Variants in LAMA2 observed in about 807,000 individuals in gnomAD.
LAMA2 encodes the protein laminin subunit alpha-2.
A neutral mutation model predicts 364.8 loss-of-function variants in LAMA2; 269 were observed. The ratio of observed to expected loss-of-function variants is 0.74; its 90% CI spans 0.67 to 0.82. The LOEUF is 0.82. Ranked by LOEUF, LAMA2 falls within the 40% of genes least tolerant of loss-of-function variation. The pLI is 0.00. For missense variants in LAMA2, 3,807 were observed against 3,873.2 expected (o/e 0.98, Z 0.45); for synonymous variants, 1,379 against 1,370.6 (o/e 1.01, Z -0.14).
chr6:129,308,696 A>G (rs776705273), intron 22 of LAMA2, among the ~76,000 whole-genome samples: 17 of 152,200 alleles, frequency 1.1e-4, no homozygotes, highest in Non-Finnish European at 2.2e-4. Flanking sequence ...CTATAAAGAA[A>G]TACCTGAGAC....
chr6:129,489,735 G>GA (rs1394376190), intron 56 of LAMA2, among the ~76,000 whole-genome samples: 1 of 151,810 alleles, frequency 6.6e-6, no homozygotes, highest in Admixed American at 6.6e-5. Flanking sequence ...TGTTCAAACA[G>GA]AAAAAAGATT....
chr6:129,147,399 TA>T (rs970472157), intron 6 of LAMA2, among the ~76,000 whole-genome samples: 1 of 151,372 alleles, frequency 6.6e-6, no homozygotes, highest in African/African-American at 2.4e-5. Flanking sequence ...TTAAAGTTTC[TA>T]ATCAAAAAAT....
chr6:128,929,910 A>C, intron 1 of LAMA2: 1 of 848,422 alleles, frequency 1.2e-6, no homozygotes, highest in South Asian at 1.5e-5. Context: ...ATGTGCAGGT[A>C]CGCAGCAAGC....
At chr6:129,013,709 C>T (rs1452895446) in intron 1 of LAMA2, among the ~76,000 whole-genome samples, 2 of 151,976 alleles carry the variant, frequency 1.3e-5, no homozygotes, top group African/African-American at 4.8e-5. Context: ...GCTTTCTTCT[C>T]ACATATTTTA....
intron 29 of LAMA2, among the ~76,000 whole-genome samples, chr6:129,333,488 A>G (rs1433302828): frequency 6.6e-6 from 1 of 152,166 alleles, no homozygotes; most frequent in Non-Finnish European, 1.5e-5. Context: ...TTAATTGTGG[A>G]GAGTGGAGTG....
At chr6:129,016,350 A>G (rs976238385) in intron 1 of LAMA2, among the ~76,000 whole-genome samples, 1 of 152,052 alleles carries the variant, frequency 6.6e-6, no homozygotes, top group Non-Finnish European at 1.5e-5. Context: ...CTCAAGAGAA[A>G]TAGGTGCACA....
At chr6:128,907,664 A>G (rs1777580274) in intron 1 of LAMA2, among the ~76,000 whole-genome samples, 1 of 152,230 alleles carries the variant, frequency 6.6e-6, no homozygotes, top group East Asian at 1.9e-4. Flanking sequence ...AGAACTTCCA[A>G]CACTATATTG....
intron 16 of LAMA2, among the ~76,000 whole-genome samples, chr6:129,269,348 A>G (rs1787756369): frequency 7.0e-6 from 1 of 143,224 alleles, no homozygotes; most frequent in Non-Finnish European, 1.5e-5. Context: ...CCAATCCATC[A>G]GAGTGAAGCT....
At chr6:129,232,432 TC>T (rs1469868340) in intron 12 of LAMA2, among the ~76,000 whole-genome samples, 1 of 152,116 alleles carries the variant, frequency 6.6e-6, no homozygotes, top group Non-Finnish European at 1.5e-5. Context: ...ATCTTCTAAC[TC>T]CTATTAATTT....
chr6:129,321,591 G>T (rs1774971458), intron 28 of LAMA2, among the ~76,000 whole-genome samples: 1 of 152,150 alleles, frequency 6.6e-6, no homozygotes, highest in Admixed American at 6.5e-5. Context: ...CTCACCTACA[G>T]CCTGAGTCTT....
At chr6:129,101,830 T>A (rs1390224673) in intron 4 of LAMA2, among the ~76,000 whole-genome samples, 1 of 152,200 alleles carries the variant, frequency 6.6e-6, no homozygotes, top group Non-Finnish European at 1.5e-5. Context: ...AGAAAACTGT[T>A]CAGTCATTAC....
chr6:129,470,024 G>A (rs939173453), intron 51 of LAMA2, among the ~76,000 whole-genome samples: 2 of 151,798 alleles, frequency 1.3e-5, no homozygotes, highest in Non-Finnish European at 2.9e-5. Context: ...ATTGAGTGTG[G>A]TGGTGGTTCT....
chr6:129,083,801 A>G (rs553652872), intron 3 of LAMA2, among the ~76,000 whole-genome samples: 17 of 152,228 alleles, frequency 1.1e-4, no homozygotes, highest in Non-Finnish European at 2.2e-4. Flanking sequence ...ATAGGTGAAA[A>G]TATCACTATT....
At chr6:129,205,216 C>T (rs147125884) in intron 12 of LAMA2, among the ~76,000 whole-genome samples, 10,058 of 138,706 alleles carry the variant, frequency 0.073, 387 homozygotes, top group African/African-American at 0.13. Context: ...GGTGAAACCC[C>T]GTCTCTACTA....
At chr6:129,061,815 G>C (rs905031430) in intron 3 of LAMA2, among the ~76,000 whole-genome samples, 1 of 152,178 alleles carries the variant, frequency 6.6e-6, no homozygotes, top group African/African-American at 2.4e-5. Context: ...TCACCAAGTG[G>C]AATTGGTACA....
Position 129,267,143 on chromosome 6 carries a change from T to C in LAMA2, c.2246T>C (p.Ile749Thr), listed in dbSNP as rs1269118968. Reference protein sequence around the residue: ...WPRHRRVNGTIFGGICEPCQC... With the variant: ...WPRHRRVNGTTFGGICEPCQC... ...AGGCACAGGCGAGTTAACGGCACTA[T>C]TTTTGGTGGCATCTGTGAGCCATGT... Residue 749 changes from isoleucine to threonine, a missense_variant, in exon 16 of 65, where the codon ATT (isoleucine) becomes ACT (threonine). By Grantham distance (89) the Ile-to-Thr change is moderately conservative. This residue lies in a region of LAMA2 where 3,333 missense variants were observed against 3,345.7 expected (regional missense o/e 1.00). Transcript: ENST00000421865. The C allele has an allele frequency of 1.9e-6, 3 of 1,612,844 alleles. No homozygotes were observed. The highest frequency in any genetic ancestry group is 2.7e-5 in the African/African-American group (2 of 74,870).
intron 45 of LAMA2, among the ~76,000 whole-genome samples, chr6:129,447,153 A>C (rs1782428374): frequency 6.6e-6 from 1 of 152,236 alleles, no homozygotes; most frequent in African/African-American, 2.4e-5. Flanking sequence ...CACAAAGACG[A>C]ATAAAGGAGT....
At chr6:129,308,656 T>C (rs1412194225) in intron 22 of LAMA2, among the ~76,000 whole-genome samples, 2 of 152,108 alleles carry the variant, frequency 1.3e-5, no homozygotes, top group Admixed American at 6.5e-5. Flanking sequence ...ACAAAACTCA[T>C]AGAGCCTGTA....
chr6:129,162,156 G>A (rs1254105971), intron 8 of LAMA2, among the ~76,000 whole-genome samples: 1 of 152,114 alleles, frequency 6.6e-6, no homozygotes, highest in Non-Finnish European at 1.5e-5. Flanking sequence ...AACCTCACCA[G>A]TATCTGTTAT....
Sources: allele counts gnomAD v4.1 joint callset (sites outside exome capture counted in the v4.1 genomes callset), GRCh38; gene constraint gnomAD v4.1.1; regional missense constraint gnomAD v4.1.1; transcripts MANE v1.5; gene names NCBI Gene and HGNC (gene_info 2026-07-23, HGNC 2026-07-21).